The following NOL10 variants were observed in gnomAD, a reference collection of about 807,000 sequenced individuals.
NOL10 encodes nucleolar protein 10.
In NOL10, 58 loss-of-function variants were observed where a neutral mutation model predicts 103.5. The ratio of observed to expected loss-of-function variants is 0.56; its 90% CI spans 0.45 to 0.70. The LOEUF (loss-of-function observed/expected upper bound fraction) is 0.70, where lower values mean the gene tolerates loss of function less well. NOL10 is among the 30% of genes least tolerant of loss of function. The pLI, the probability that NOL10 is intolerant of heterozygous loss-of-function variation, is 0.00. For synonymous variants in NOL10, 287 were observed against 282.5 expected (o/e 1.02, Z -0.16); for missense variants, 763 against 807.3 (o/e 0.95, Z 0.67).
At chr2:10,601,923 G>A (rs10454738) in intron 16 of NOL10, among the ~76,000 whole-genome samples, 90,078 of 152,166 alleles carry the variant, frequency 0.59, 27,682 homozygotes, top group African/African-American at 0.74. Context: ...GTATACCAAC[G>A]TTCAGTTATA....
At chr2:10,600,765 AT>A in intron 17 of NOL10, 87 bp downstream of exon 17, 1 of 882,906 alleles carries the variant, frequency 1.1e-6, no homozygotes, top group East Asian at 2.7e-5. Context: ...TCCTACATGT[AT>A]TTTTAAAGTA....
intron 13 of NOL10, among the ~76,000 whole-genome samples, chr2:10,642,364 A>G (rs980918770): frequency 2.6e-5 from 4 of 152,186 alleles, no homozygotes; most frequent in Non-Finnish European, 1.5e-5. Context: ...AGGTGCCATC[A>G]TCTCTCCTGT....
At chr2:10,624,099 G>A (rs1677302646) in intron 13 of NOL10, among the ~76,000 whole-genome samples, 1 of 151,694 alleles carries the variant, frequency 6.6e-6, no homozygotes, top group Non-Finnish European at 1.5e-5. Context: ...TCCCTGTTTT[G>A]GTCAGTATAT....
chr2:10,674,822 G>A (rs973790109), intron 4 of NOL10, among the ~76,000 whole-genome samples: 9 of 150,534 alleles, frequency 6.0e-5, no homozygotes, highest in African/African-American at 2.2e-4. Context: ...GGGCGACAGA[G>A]CAAGACTCCG....
At chr2:10,664,765 G>T (rs1680464599) in intron 8 of NOL10, among the ~76,000 whole-genome samples, 1 of 152,124 alleles carries the variant, frequency 6.6e-6, no homozygotes, top group Admixed American at 6.6e-5. Flanking sequence ...CGAACTCCTG[G>T]ACTCAAGCGT....
At chr2:10,665,774 GA>G (rs1325657088) in intron 8 of NOL10, among the ~76,000 whole-genome samples, 1 of 152,242 alleles carries the variant, frequency 6.6e-6, no homozygotes, top group Non-Finnish European at 1.5e-5. Flanking sequence ...ACTACCAAGA[GA>G]AAGCTTGATT....
chr2:10,603,245 G>A (rs1048279437), intron 14 of NOL10, 88 bp from the exon 15 acceptor site: 1 of 936,860 alleles, frequency 1.1e-6, no homozygotes, highest in African/African-American at 1.7e-5. Context: ...TTTGATTATA[G>A]TAAGATTTCA....
At chr2:10,584,378 C>G (rs1317794114) in intron 19 of NOL10, among the ~76,000 whole-genome samples, 1 of 152,088 alleles carries the variant, frequency 6.6e-6, no homozygotes, top group Admixed American at 6.6e-5. Flanking sequence ...CAAAGTTAGC[C>G]CACTGTAAGG....
chr2:10,679,790 A>T (rs1378544228), intron 3 of NOL10, among the ~76,000 whole-genome samples: 1 of 151,946 alleles, frequency 6.6e-6, no homozygotes, highest in Non-Finnish European at 1.5e-5. Flanking sequence ...ATGCCCAGCT[A>T]ATTTATTTTT....
At chr2:10,606,454 G>A (rs1031498703) in intron 14 of NOL10, among the ~76,000 whole-genome samples, 9 of 151,802 alleles carry the variant, frequency 5.9e-5, no homozygotes, top group Admixed American at 4.6e-4. Context: ...GTGAAACCCC[G>A]TCTTACCATG....
chr2:10,606,411 G>A (rs1676261260), intron 14 of NOL10, among the ~76,000 whole-genome samples: 2 of 151,854 alleles, frequency 1.3e-5, no homozygotes, highest in African/African-American at 4.8e-5. Flanking sequence ...GATCACCTGA[G>A]GCCAGGAGTT....
chr2:10,609,195 C>T (rs1001658038), intron 13 of NOL10, among the ~76,000 whole-genome samples: 12 of 151,732 alleles, frequency 7.9e-5, no homozygotes, highest in African/African-American at 2.7e-4. Context: ...CACATACACA[C>T]ACAATGTGTG....
chr2:10,595,144 C>CAGAGAGAGACAGAGAGAGAGAGAGAG (rs1675603709), intron 17 of NOL10, among the ~76,000 whole-genome samples: 2 of 124,148 alleles, frequency 1.6e-5, no homozygotes, highest in African/African-American at 6.2e-5. Context: ...GGGGAGGGGG[C>CAGAGAGAGACAGAGAGAGAGAGAGAG]AGAGAGAGAG....
At chr2:10,614,320 G>C (rs1011359106) in intron 13 of NOL10, among the ~76,000 whole-genome samples, 1 of 151,898 alleles carries the variant, frequency 6.6e-6, no homozygotes, top group Non-Finnish European at 1.5e-5. Context: ...GTGAGGCCAT[G>C]ATTCTTTTTG....
At chr2:10,668,607 G>A in intron 7 of NOL10, 51 bp downstream of exon 7, 1 of 939,224 alleles carries the variant, frequency 1.1e-6, no homozygotes, top group Non-Finnish European at 1.6e-6. Flanking sequence ...TGAGCATCTG[G>A]CTCCACCTCC....
intron 12 of NOL10, among the ~76,000 whole-genome samples, chr2:10,645,609 C>T (rs756192651): frequency 6.6e-6 from 1 of 150,418 alleles, no homozygotes; most frequent in Non-Finnish European, 1.5e-5. Context: ...TCTCGGCTCA[C>T]TGCAAGCTCC....
At chr2:10,636,820 T>C (rs1266745085) in intron 13 of NOL10, among the ~76,000 whole-genome samples, 1 of 152,204 alleles carries the variant, frequency 6.6e-6, no homozygotes, top group African/African-American at 2.4e-5. Flanking sequence ...GTCATTGACA[T>C]AGTCATGGAG....
intron 13 of NOL10, among the ~76,000 whole-genome samples, 171 bp downstream of exon 13, chr2:10,644,149 G>A (rs989638930): frequency 2.0e-5 from 3 of 152,176 alleles, no homozygotes; most frequent in Non-Finnish European, 4.4e-5. Context: ...ACAGGAGGTT[G>A]AGGTAGGAGA....
intron 13 of NOL10, among the ~76,000 whole-genome samples, chr2:10,613,819 G>C (rs1676695343): frequency 6.6e-6 from 1 of 151,882 alleles, no homozygotes; most frequent in South Asian, 2.1e-4. Flanking sequence ...TTTTATTATA[G>C]AACTGTTTTC....
Sources: allele counts gnomAD v4.1 joint callset (sites outside exome capture counted in the v4.1 genomes callset), GRCh38; gene constraint gnomAD v4.1.1; transcripts MANE v1.5; gene names NCBI Gene and HGNC (gene_info 2026-07-23, HGNC 2026-07-21).